Variants in CDH11 observed in about 807,000 individuals in gnomAD.
CDH11 encodes cadherin-11.
A neutral mutation model predicts 67.8 loss-of-function variants in CDH11; 11 were observed. The ratio of observed to expected loss-of-function variants is 0.16; its 90% CI spans 0.10 to 0.27. CDH11 has a LOEUF of 0.27. CDH11 is among the 10% of genes least tolerant of loss of function. The pLI, the probability that CDH11 is intolerant of heterozygous loss-of-function variation, is 1.00. For missense variants in CDH11, 847 were observed against 1,031.2 expected, an observed-to-expected ratio of 0.82 and a Z score of 2.45; for synonymous variants, 419 against 400.0, an observed-to-expected ratio of 1.05 and a Z score of -0.57.
chr16:65,009,412 G>A (rs2073130569), intron 2 of CDH11, among the ~76,000 whole-genome samples: 1 of 152,056 alleles, frequency 6.6e-6, no homozygotes, highest in South Asian at 2.1e-4. Flanking sequence ...TTAAATACCT[G>A]TTTCAGAATT....
chr16:65,086,732 C>T (rs971334381), intron 1 of CDH11, among the ~76,000 whole-genome samples: 7 of 152,116 alleles, frequency 4.6e-5, no homozygotes, highest in African/African-American at 9.7e-5. Context: ...TCCTTTGAAA[C>T]GAGTTTCCCA....
intron 2 of CDH11, among the ~76,000 whole-genome samples, chr16:65,009,796 T>A (rs1422664315): frequency 1.3e-5 from 2 of 152,150 alleles, no homozygotes; most frequent in African/African-American, 2.4e-5. Context: ...AAAATAAATG[T>A]TGTTGAAAGT....
chr16:65,122,520 G>A (rs965373752), upstream of CDH11, among the ~76,000 whole-genome samples: 1 of 152,208 alleles, frequency 6.6e-6, no homozygotes, highest in Non-Finnish European at 1.5e-5. Context: ...CGGGATGGTG[G>A]TTGGGGGAAG....
At chr16:65,120,582 A>C (rs2075309431) in intron 1 of CDH11, among the ~76,000 whole-genome samples, 1 of 152,192 alleles carries the variant, frequency 6.6e-6, no homozygotes, top group Admixed American at 6.6e-5. Context: ...GCCGGGTTTC[A>C]AGAACAACCC....
intron 2 of CDH11, among the ~76,000 whole-genome samples, chr16:65,026,008 G>A (rs1007188418): frequency 1.3e-5 from 2 of 152,154 alleles, no homozygotes; most frequent in African/African-American, 4.8e-5. Context: ...CCATGATATG[G>A]GGTGAAAATG....
rs562881425 is a variant in CDH11 at position 64,961,065 on chromosome 16, C to T, written c.1643-10047G>A. Among the ~76,000 whole-genome samples, 227 of 152,190 alleles carry T rather than the reference C, an allele frequency of 1.5e-3. 1 individual carries two copies. Among genetic ancestry groups the T allele is most frequent in the Admixed American group, 5.6e-3 (85 of 15,278 alleles). On this transcript the variant is annotated intron_variant, in intron 11 of 12. Transcript: ENST00000268603. ...TCAGATTTATATTCACTGTGAAAGCCTTCTTTTAGGACGCTTCCTGGCACT... is the reference window on the plus strand; with the variant it reads ...TCAGATTTATATTCACTGTGAAAGCTTTCTTTTAGGACGCTTCCTGGCACT...
chr16:64,950,405 C>T (rs1375605600), intron 12 of CDH11, among the ~76,000 whole-genome samples: 1 of 152,092 alleles, frequency 6.6e-6, no homozygotes, highest in Non-Finnish European at 1.5e-5. Context: ...ATTGCTAATA[C>T]ACCATGTTTC....
chr16:64,956,498 C>T (rs1400537843), intron 11 of CDH11, among the ~76,000 whole-genome samples: 1 of 152,212 alleles, frequency 6.6e-6, no homozygotes, highest in Non-Finnish European at 1.5e-5. Flanking sequence ...ATTCTTCAGT[C>T]CTGGACAATA....
intron 1 of CDH11, among the ~76,000 whole-genome samples, chr16:65,100,294 A>C (rs927289730): frequency 6.6e-6 from 1 of 152,198 alleles, no homozygotes; most frequent in Admixed American, 6.5e-5. Context: ...ATGAAATTTC[A>C]TGGATCATCT....
intron 1 of CDH11, among the ~76,000 whole-genome samples, chr16:65,054,463 T>G (rs1520232): frequency 0.45 from 68,616 of 151,946 alleles, 16,259 homozygotes; most frequent in African/African-American, 0.57. Flanking sequence ...GGGCTGACAG[T>G]GTTGCAGCTC....
At chr16:65,023,106 A>C (rs2073459591) in intron 2 of CDH11, among the ~76,000 whole-genome samples, 1 of 152,202 alleles carries the variant, frequency 6.6e-6, no homozygotes, top group African/African-American at 2.4e-5. Flanking sequence ...AGAAGGGGCA[A>C]CAACAGGGGT....
intron 1 of CDH11, among the ~76,000 whole-genome samples, chr16:65,083,314 T>C (rs2074643652): frequency 6.6e-6 from 1 of 152,190 alleles, no homozygotes; most frequent in Non-Finnish European, 1.5e-5. Flanking sequence ...AGCCTTGCTT[T>C]ACTCACTGAC....
chr16:65,111,340 A>G (rs1361185414), intron 1 of CDH11, among the ~76,000 whole-genome samples: 1 of 152,212 alleles, frequency 6.6e-6, no homozygotes, highest in Admixed American at 6.5e-5. Context: ...AGAAGCAGAT[A>G]AAGAGACTTG....
At chr16:65,007,984 A>G (rs1310407213) in intron 2 of CDH11, among the ~76,000 whole-genome samples, 1 of 152,248 alleles carries the variant, frequency 6.6e-6, no homozygotes, top group Non-Finnish European at 1.5e-5. Flanking sequence ...ATGGTGAGGC[A>G]AGATCCTTGC....
rs564128679 is a variant in CDH11 at position 65,051,059 on chromosome 16, C to T, written c.-173+2745G>A. ...GCACTTCCTCTGCTGAGCCAGGCTT[C>T]GGAGCAAATGAGTGCAAAATAAGCA... On this transcript the variant is annotated intron_variant, in intron 2 of 12. Coordinates refer to ENST00000268603, the MANE Select transcript of CDH11 (RefSeq NM_001797.4). Among the ~76,000 whole-genome samples, 37 of 152,294 alleles carry T rather than the reference C, an allele frequency of 2.4e-4. 1 individual carries two copies. Among genetic ancestry groups the T allele is most frequent in the African/African-American group, 7.5e-4 (31 of 41,556 alleles).
At chr16:64,984,731 C>T (rs1026684288) in intron 7 of CDH11, 8 of 152,150 alleles carry the variant, frequency 5.3e-5, no homozygotes, top group African/African-American at 1.7e-4. Flanking sequence ...CATAATGATT[C>T]GTCAATAGGA....
At chr16:64,969,289 T>C (rs1441616851) in intron 11 of CDH11, among the ~76,000 whole-genome samples, 1 of 152,204 alleles carries the variant, frequency 6.6e-6, no homozygotes, top group Non-Finnish European at 1.5e-5. Context: ...GGGCAGGTGA[T>C]GGAGGCAAAG....
rs987512210 is a variant in CDH11 at position 64,981,927 on chromosome 16, A to G, written c.1253+121T>C. The G allele has an allele frequency of 7.3e-6, 6 of 820,024 alleles. No homozygotes were observed. The East Asian group carries it at 7.4e-5, about 10-fold the overall frequency. The allele number at this position is 820,024 out of a possible 1,614,324, so 50.8% of individuals were successfully genotyped here. On this transcript the variant is annotated intron_variant, in intron 8 of 12. Coordinates refer to ENST00000268603, the MANE Select transcript of CDH11 (RefSeq NM_001797.4). ...TAAATCTTAATCTTGTTTACATTCTATTGAACCTGATAAACTTGAACCCTT... is the reference window on the plus strand; with the variant it reads ...TAAATCTTAATCTTGTTTACATTCTGTTGAACCTGATAAACTTGAACCCTT...
intron 11 of CDH11, among the ~76,000 whole-genome samples, chr16:64,967,434 G>A (rs969738520): frequency 2.0e-5 from 3 of 152,078 alleles, no homozygotes; most frequent in Non-Finnish European, 2.9e-5. Context: ...TGCCCAGGCT[G>A]GTCTTGAACT....
Sources: allele counts gnomAD v4.1 joint callset (sites outside exome capture counted in the v4.1 genomes callset), GRCh38; gene constraint gnomAD v4.1.1; transcripts MANE v1.5; gene names NCBI Gene and HGNC (gene_info 2026-07-23, HGNC 2026-07-21).